PDHA1: variants seen among roughly 807,000 people sequenced by gnomAD.
PDHA1 encodes pyruvate dehydrogenase E1 component subunit alpha, somatic form, mitochondrial.
PDHA1 carries 1 observed loss-of-function variant against 33.0 expected under a neutral mutation model. That is an observed-to-expected ratio of 0.03 (90% confidence interval 0.01 to 0.14). The LOEUF (loss-of-function observed/expected upper bound fraction) is 0.14, where lower values mean the gene tolerates loss of function less well. Ranked by LOEUF, PDHA1 falls within the 10% of genes least tolerant of loss-of-function variation. PDHA1 has a pLI of 1.00. For missense variants in PDHA1, 168 were observed against 325.1 expected (o/e 0.52, Z 3.72); for synonymous variants, 123 against 119.2 (o/e 1.03, Z -0.21).
rs770889326 is a variant in PDHA1 at position 19,344,021 on chromosome X, G to A, written c.-17G>A. ...TGGGTTGTGAGGAGTCGCCGCTGCC[G>A]CCACTGCCTGTGCTTCATGAGGAAG... On this transcript the variant is annotated 5_prime_UTR_variant, in exon 1 of 11. Transcript: ENST00000422285. The A allele has an allele frequency of 8.3e-6, 10 of 1,206,307 alleles. No homozygotes were observed. The highest frequency in any genetic ancestry group is 1.1e-5 in the Non-Finnish European group (10 of 892,678).
At chrX:19,347,464 G>A in intron 1 of PDHA1, among the ~76,000 whole-genome samples, 1 of 112,580 alleles carries the variant, frequency 8.9e-6, no homozygotes, top group Non-Finnish European at 1.9e-5. Flanking sequence ...TAGCTTTCTG[G>A]CAGTCCTAAT....
At chrX:19,357,328 G>A (rs1423610936) in intron 8 of PDHA1, 16 of 284,721 alleles carry the variant, frequency 5.6e-5, no homozygotes, top group African/African-American at 3.6e-4. Flanking sequence ...ACTCCTGGGC[G>A]CAAGTGCTCT....
At position 19,353,125 on chromosome X, in the gene PDHA1, C is replaced by T; in HGVS notation, c.462C>T (p.His154=). 8.3e-7 allele frequency: 1 copy of T among 1,210,406 alleles called. No homozygotes were observed. Among genetic ancestry groups the T allele is most frequent in the Non-Finnish European group, 1.1e-6 (1 of 894,192 alleles). The change falls in exon 5 of 11, where the codon CAC becomes CAT. Residue 154 remains histidine, a synonymous_variant. Transcript: ENST00000422285. ...CTAAAGGGAAAGGAGGATCGATGCA[C>T]ATGTATGCCAAGAACTTCTACGGGG... ...GCAKGKGGSM[H]MYAKNFYGGN... is the part of the protein sequence containing the mutation.
chrX:19,355,785 T>C, intron 8 of PDHA1, 28 bp downstream of exon 8: 1 of 1,096,209 alleles, frequency 9.1e-7, no homozygotes, highest in Non-Finnish European at 1.3e-6. Context: ...TCTGGGCTAG[T>C]GACATTTATC....
At chrX:19,345,277 T>C (rs1263245114) in intron 1 of PDHA1, among the ~76,000 whole-genome samples, 1 of 110,523 alleles carries the variant, frequency 9.0e-6, no homozygotes, top group Admixed American at 9.7e-5. Flanking sequence ...TTGCCTAAAA[T>C]AATGACAAAA....
At chrX:19,356,683 A>AGCCAGCTCCCCACTCGCCC in intron 8 of PDHA1, among the ~76,000 whole-genome samples, 2 of 89,516 alleles carry the variant, frequency 2.2e-5, no homozygotes, top group African/African-American at 1.9e-4. Flanking sequence ...GGAGTTGTAG[A>AGCCAGCTCCCCACTCGCCC]ATGTAGTTGT....
chrX:19,351,469 A>G (rs2063162586), intron 4 of PDHA1, 62 bp downstream of exon 4: 2 of 991,002 alleles, frequency 2.0e-6, no homozygotes, highest in African/African-American at 3.8e-5. Flanking sequence ...ATCTGTCATT[A>G]AGATGCTATT....
chrX:19,353,593 CTGT>C (rs1408474329), intron 5 of PDHA1, among the ~76,000 whole-genome samples: 3 of 111,553 alleles, frequency 2.7e-5, no homozygotes, highest in Non-Finnish European at 5.6e-5. Flanking sequence ...GAATATATCC[CTGT>C]TGTTAAGTGA....
intron 3 of PDHA1, among the ~76,000 whole-genome samples, chrX:19,350,466 A>T (rs939317151): frequency 9.0e-6 from 1 of 111,653 alleles, no homozygotes; most frequent in African/African-American, 3.2e-5. Flanking sequence ...GGGTTTCACT[A>T]TGTTGCCCAG....
At chrX:19,355,234 G>A in intron 6 of PDHA1, 115 bp from the exon 7 acceptor site, 1 of 919,965 alleles carries the variant, frequency 1.1e-6, no homozygotes, top group East Asian at 3.1e-5. Context: ...TTTTAGAAGA[G>A]GAGGCTTTCT....
chrX:19,347,173 G>C (rs895408406), intron 1 of PDHA1, among the ~76,000 whole-genome samples: 5 of 111,593 alleles, frequency 4.5e-5, no homozygotes, highest in African/African-American at 1.6e-4. Flanking sequence ...GGGATTATAG[G>C]TGTGAGCCAT....
intron 8 of PDHA1, among the ~76,000 whole-genome samples, chrX:19,356,736 A>C (rs1368953407): frequency 2.3e-5 from 2 of 88,772 alleles, no homozygotes; most frequent in Non-Finnish European, 3.8e-5. Context: ...CACAATTCTG[A>C]GTTAGGTGTT....
intron 5 of PDHA1, among the ~76,000 whole-genome samples, chrX:19,354,044 C>T (rs984223136): frequency 1.8e-5 from 2 of 111,475 alleles, no homozygotes; most frequent in African/African-American, 6.5e-5. Flanking sequence ...CCCCCGGGTT[C>T]AAGCAATTCT....
intron 6 of PDHA1, among the ~76,000 whole-genome samples, 160 bp downstream of exon 6, chrX:19,354,743 C>T (rs1476508266): frequency 8.9e-6 from 1 of 112,790 alleles, no homozygotes; most frequent in Non-Finnish European, 1.9e-5. Context: ...TAGAGATTGA[C>T]CTCTTAGCGT....
In PDHA1 at chrX:19,361,530, A is replaced by C; in HGVS notation, c.*1877A>C. On this transcript the variant is annotated 3_prime_UTR_variant, in exon 11 of 11. Coordinates refer to ENST00000422285, the MANE Select transcript of PDHA1 (RefSeq NM_000284.4). ...CTTTGCATCAGCTCCTTGCAGCCGC[A>C]ACCAGTCTATAAGCTCTTTATCTGT... The C allele has an allele frequency of 8.3e-7, 1 of 1,211,805 alleles. No homozygotes were observed.
Position 19,361,472 on chromosome X carries a change from A to ATTTC in PDHA1, c.*1823_*1826dup, listed in dbSNP as rs757189654. The ATTTC allele has an allele frequency of 8.4e-7, 1 of 1,197,224 alleles. No individual in the cohort carries two copies. The highest frequency in any genetic ancestry group is 1.8e-5 in the South Asian group (1 of 56,318). On this transcript the variant is annotated 3_prime_UTR_variant, in exon 11 of 11. Transcript: ENST00000422285. ...GCAGCTGTGTAACAACAGCATAAGA[A>ATTTC]TTTCTTTGTTGTAAATTTACCTTTT... is the stretch of plus-strand genomic sequence containing the variant.
intron 5 of PDHA1, among the ~76,000 whole-genome samples, chrX:19,353,669 T>C (rs918790207): frequency 8.9e-5 from 10 of 111,995 alleles, no homozygotes; most frequent in Non-Finnish European, 1.7e-4. Flanking sequence ...TCCTACCGTT[T>C]GAGAGATGAG....
At position 19,360,755 on chromosome X, in the gene PDHA1, C is replaced by CTTGTCT; in HGVS notation, c.*1106_*1111dup. ...ACAGCTTAGCTGATTGGTATCAAGC[C>CTTGTCT]TTGTCTTTGGTTTCTGAGGCCTCCT... On this transcript the variant is annotated 3_prime_UTR_variant, in exon 11 of 11. Coordinates refer to ENST00000422285, the MANE Select transcript of PDHA1 (RefSeq NM_000284.4). 1 of 1,206,711 alleles carries CTTGTCT rather than the reference C, an allele frequency of 8.3e-7. No homozygotes were observed.
rs1057523018 is a variant in PDHA1, at chrX:19,359,505, T to G, written c.1025T>G (p.Val342Gly). The change falls in exon 11 of 11, where the codon GTG becomes GGG. Residue 342 changes from valine to glycine, a missense_variant. Physicochemically the swap from Val to Gly is moderately radical, Grantham distance 109. Coordinates refer to ENST00000422285, the MANE Select transcript of PDHA1 (RefSeq NM_000284.4). ...AATTTTTAGGAAATTGATGTGGAAG[T>G]GAGGAAGGAGATTGAGGATGCTGCC... is the stretch of plus-strand genomic sequence containing the variant. ...VEELKEIDVE[V>G]RKEIEDAAQF... 1 of 1,209,708 alleles carries G rather than the reference T, an allele frequency of 8.3e-7. No individual in the cohort carries two copies. The highest frequency in any genetic ancestry group is 1.1e-6 in the Non-Finnish European group (1 of 893,806).
Sources: allele counts gnomAD v4.1 joint callset (sites outside exome capture counted in the v4.1 genomes callset), GRCh38; gene constraint gnomAD v4.1.1; transcripts MANE v1.5; gene names NCBI Gene and HGNC (gene_info 2026-07-23, HGNC 2026-07-21).